The following USP6NL variants were observed in gnomAD, a reference collection of about 807,000 sequenced individuals.
The protein encoded by USP6NL is USP6 N-terminal like, also known as USP6 N-terminal-like protein.
A neutral mutation model predicts 61.9 loss-of-function variants in USP6NL; 26 were observed. The ratio of observed to expected loss-of-function variants is 0.42; its 90% CI spans 0.31 to 0.58. USP6NL has a LOEUF of 0.58. Ranked by LOEUF, USP6NL falls within the 20% of genes least tolerant of loss-of-function variation. The pLI, the probability that USP6NL is intolerant of heterozygous loss-of-function variation, is 0.16. For synonymous variants in USP6NL, 432 were observed against 390.1 expected, an observed-to-expected ratio of 1.11 and a Z score of -1.27; for missense variants, 1,114 against 1,034.3, an observed-to-expected ratio of 1.08 and a Z score of -1.06.
intron 13 of USP6NL, among the ~76,000 whole-genome samples, chr10:11,483,491 GA>G (rs2133229345): frequency 8.5e-6 from 1 of 117,548 alleles, no homozygotes; most frequent in African/African-American, 3.4e-5. Context: ...AGTGGGGGGG[GA>G]GGGGAGGGAG....
rs1248963760 is a variant in USP6NL at position 11,462,805 on chromosome 10, C to G, written c.2123G>C (p.Gly708Ala). The change falls in exon 15 of 15, where the codon GGG becomes GCG. Residue 708 changes from glycine to alanine, a missense_variant. By Grantham distance (60) the Gly-to-Ala change is moderately conservative. Transcript: ENST00000609104. ...TGACCCTGAATTGCCCGAATATCCC[C>G]CAGCACCAGTGTCAACAGGGAGGAC... ...IEVLPVDTGA[G>A]GYSGNSGSPK... The G allele has an allele frequency of 2.2e-5, 35 of 1,613,848 alleles. No homozygotes were observed. Among genetic ancestry groups the G allele is most frequent in the Non-Finnish European group, 3.0e-5 (35 of 1,179,892 alleles).
intron 2 of USP6NL, among the ~76,000 whole-genome samples, chr10:11,531,627 A>G (rs1199855653): frequency 4.0e-5 from 6 of 151,616 alleles, no homozygotes; most frequent in Admixed American, 2.6e-4. Flanking sequence ...TAGATTAACT[A>G]CTTTAAATAT....
Position 11,513,355 on chromosome 10 carries a change from T to C in USP6NL, c.196-3680A>G, listed in dbSNP as rs753668982. ...TGGTAGAAATGGAATTATTCCATCA[T>C]GCGGGTAACACTTTTCAAAGTGTTG... is the stretch of plus-strand genomic sequence containing the variant. On this transcript the variant is annotated intron_variant, in intron 5 of 14. Transcript: ENST00000609104. This position sits in a 1 kb window ranked among gnomAD's most constrained non-coding sequence, Gnocchi z 4.7. Among the ~76,000 whole-genome samples the C allele has an allele frequency of 6.6e-4, 101 of 152,370 alleles. No individual in the cohort carries two copies. The highest frequency in any genetic ancestry group is 6.8e-3 in the Middle Eastern group (2 of 294).
In USP6NL at chr10:11,554,743, A is replaced by C. The variant is rs73569188; in HGVS notation, c.5-27176T>G. On this transcript the variant is annotated intron_variant, in intron 2 of 14. Transcript: ENST00000609104. ...AAATTACAAGGCATATGAAGACACA[A>C]TACCAAGAAAAAAAAAAAGAAAAAA... 2.0e-3 allele frequency among the ~76,000 whole-genome samples: 296 copies of C among 151,656 alleles called. 5 individuals are homozygous for C. Among genetic ancestry groups the C allele is most frequent in the African/African-American group, 6.9e-3 (286 of 41,458 alleles).
chr10:11,577,060 CTT>C (rs200482211), intron 2 of USP6NL, among the ~76,000 whole-genome samples: 14 of 133,046 alleles, frequency 1.1e-4, no homozygotes, highest in East Asian at 6.4e-4. Flanking sequence ...CTTTAGAATT[CTT>C]TTTTTTTTTT....
intron 14 of USP6NL, among the ~76,000 whole-genome samples, chr10:11,464,849 T>G (rs1409738024): frequency 6.6e-6 from 1 of 152,242 alleles, no homozygotes; most frequent in African/African-American, 2.4e-5. Flanking sequence ...CAGAAAAGTT[T>G]TCTTTGTTTT....
chr10:11,604,703 A>T (rs1327105507), intron 1 of USP6NL, among the ~76,000 whole-genome samples: 2 of 152,252 alleles, frequency 1.3e-5, no homozygotes, highest in Admixed American at 6.5e-5. Flanking sequence ...TTCTAAAAAA[A>T]TTCCAGAAAT....
chr10:11,531,318 A>T (rs2133419889), intron 2 of USP6NL, among the ~76,000 whole-genome samples: 1 of 151,620 alleles, frequency 6.6e-6, no homozygotes, highest in East Asian at 1.9e-4. Context: ...CAACTACTTT[A>T]TTTTTTTTCT....
chr10:11,493,032 TAC>T (rs1397223463), intron 8 of USP6NL, 85 bp downstream of exon 8: 9 of 1,173,442 alleles, frequency 7.7e-6, no homozygotes, highest in African/African-American at 1.5e-5. Context: ...AAATCGAAAT[TAC>T]AGTCTATAAA....
Position 11,528,893 on chromosome 10 carries a change from G to A in USP6NL, c.5-1326C>T, listed in dbSNP as rs577209526. On this transcript the variant is annotated intron_variant, in intron 2 of 14. Transcript: ENST00000609104. The surrounding 1 kb of genome is among the most constrained non-coding windows in gnomAD (Gnocchi z 4.6). ...GGACATGCATGTGTGTAGCAGAGCCGGGTGCAGGGTGGAAAACCAAACCCT... is the reference window on the plus strand; with the variant it reads ...GGACATGCATGTGTGTAGCAGAGCCAGGTGCAGGGTGGAAAACCAAACCCT... 1.1e-4 allele frequency among the ~76,000 whole-genome samples: 16 copies of A among 152,230 alleles called. No homozygotes were observed. The highest frequency in any genetic ancestry group is 3.4e-3 in the Middle Eastern group (1 of 294).
intron 2 of USP6NL, among the ~76,000 whole-genome samples, chr10:11,578,888 A>G (rs1837646625): frequency 6.6e-6 from 1 of 152,226 alleles, no homozygotes; most frequent in Non-Finnish European, 1.5e-5. Context: ...GATGTGCCAC[A>G]TCTCGTTTAT....
At chr10:11,508,124 T>C (rs1407117751) in intron 6 of USP6NL, among the ~76,000 whole-genome samples, 1 of 152,230 alleles carries the variant, frequency 6.6e-6, no homozygotes, top group Non-Finnish European at 1.5e-5. Flanking sequence ...ATCCCAACAG[T>C]TAACTCAGTT....
At chr10:11,606,758 A>G (rs1265975865) in intron 1 of USP6NL, among the ~76,000 whole-genome samples, 1 of 152,148 alleles carries the variant, frequency 6.6e-6, no homozygotes, top group Non-Finnish European at 1.5e-5. Flanking sequence ...ATTAAAAATG[A>G]ACATAGAAGA....
chr10:11,603,855 T>C (rs1404762085), intron 1 of USP6NL, among the ~76,000 whole-genome samples: 1 of 152,166 alleles, frequency 6.6e-6, no homozygotes, highest in Non-Finnish European at 1.5e-5. Context: ...GGAAAACTTA[T>C]GGACCAAGAG....
intron 1 of USP6NL, among the ~76,000 whole-genome samples, chr10:11,605,537 TAA>T (rs767626206): frequency 1.3e-5 from 2 of 151,982 alleles, no homozygotes; most frequent in African/African-American, 2.4e-5. Context: ...CCTTGAGAAA[TAA>T]AAGAGACCAT....
intron 7 of USP6NL, among the ~76,000 whole-genome samples, chr10:11,493,760 T>C (rs1337375299): frequency 6.6e-6 from 1 of 151,858 alleles, no homozygotes; most frequent in Non-Finnish European, 1.5e-5. Context: ...CTCCTGCCTG[T>C]GCGGCCGGAC....
intron 2 of USP6NL, among the ~76,000 whole-genome samples, chr10:11,580,135 C>A (rs1015529728): frequency 2.5e-4 from 38 of 152,036 alleles, no homozygotes; most frequent in African/African-American, 8.2e-4. Flanking sequence ...GTTGACAAAC[C>A]CTGCCCCAGA....
intron 2 of USP6NL, among the ~76,000 whole-genome samples, chr10:11,577,704 T>C (rs866806205): frequency 6.6e-6 from 1 of 151,810 alleles, no homozygotes; most frequent in African/African-American, 2.4e-5. Flanking sequence ...ACCATGTTGG[T>C]TGGCCAAGCT....
At position 11,553,213 on chromosome 10, in the gene USP6NL, T is replaced by C. The variant is rs898954241; in HGVS notation, c.5-25646A>G. Among the ~76,000 whole-genome samples, 3 of 152,224 alleles carry C rather than the reference T, an allele frequency of 2.0e-5. No homozygotes were observed. The East Asian group carries it at 5.8e-4, about 29-fold the overall frequency. On this transcript the variant is annotated intron_variant, in intron 2 of 14. Transcript: ENST00000609104. This position sits in a 1 kb window ranked among gnomAD's most constrained non-coding sequence, Gnocchi z 4.8. ...AACCATATTTTGGCTACTGAATTGT[T>C]GAATGCAAAGAAAAAGCTGTTTCAA...
Sources: allele counts gnomAD v4.1 joint callset (sites outside exome capture counted in the v4.1 genomes callset), GRCh38; gene constraint gnomAD v4.1.1; non-coding constraint Gnocchi (gnomAD v3.1); transcripts MANE v1.5; gene names NCBI Gene and HGNC (gene_info 2026-07-23, HGNC 2026-07-21).